Variants in MGA observed in about 807,000 individuals in gnomAD.
MGA encodes MAX dimerization protein MGA.
In MGA, 40 loss-of-function variants were observed where a neutral mutation model predicts 261.1. That is an observed-to-expected ratio of 0.15 (90% CI 0.12 to 0.20). The LOEUF (loss-of-function observed/expected upper bound fraction) is 0.20. Among genes scored for constraint, MGA ranks in the 10% least tolerant of loss-of-function variants. The pLI is 1.00. For missense variants in MGA, 3,397 were observed against 3,630.5 expected (o/e 0.94, Z 1.65); for synonymous variants, 1,302 against 1,290.6 (o/e 1.01, Z -0.19).
chr15:41,666,967 A>G (rs1250429475), intron 1 of MGA, among the ~76,000 whole-genome samples: 1 of 152,190 alleles, frequency 6.6e-6, no homozygotes, highest in South Asian at 2.1e-4. Flanking sequence ...TGATATTTTC[A>G]AGTTGCCCTC....
At chr15:41,693,764 A>G (rs1350937163) in intron 2 of MGA, among the ~76,000 whole-genome samples, 1 of 152,190 alleles carries the variant, frequency 6.6e-6, no homozygotes, top group Admixed American at 6.5e-5. Flanking sequence ...AAAGCATCCC[A>G]GATATTTATA....
At chr15:41,722,066 G>T (rs892226675) in intron 9 of MGA, among the ~76,000 whole-genome samples, 5 of 150,926 alleles carry the variant, frequency 3.3e-5, no homozygotes, top group Admixed American at 6.6e-5. Context: ...GGGGAAAAAC[G>T]CCAGGTAAAA....
intron 7 of MGA, among the ~76,000 whole-genome samples, chr15:41,708,521 G>T (rs1035232729): frequency 6.6e-6 from 1 of 152,334 alleles, no homozygotes; most frequent in South Asian, 2.1e-4. Flanking sequence ...GCTTCACCAT[G>T]TTGGCCAGGC....
rs372066595 is a variant in MGA at position 41,750,201 on chromosome 15, C to T, written c.6594C>T (p.Asp2198=). 46 of 1,613,738 alleles carry T rather than the reference C, an allele frequency of 2.9e-5. No homozygotes were observed. In the African/African-American group the frequency reaches 2.9e-4, roughly 10 times the overall value. ...CACAGGAATGTAAGAAAGAGGCAGA[C>T]GAGCAGTTAATTAAAGAAACAAAGA... Residue 2198 remains aspartate (D), a synonymous_variant, in exon 17 of 24, where the codon GAC becomes GAT. Coordinates refer to ENST00000219905, the MANE Select transcript of MGA (RefSeq NM_001164273.2).
In MGA at chr15:41,739,706, A is replaced by G. The variant is rs150470494; in HGVS notation, c.4435-347A>G. Reference sequence around the variant, plus strand: ...ACTACAATATGAAGGAGATGAGATTAGTTCAGAATATCAGTTGACAGCATT... The same window carrying G: ...ACTACAATATGAAGGAGATGAGATTGGTTCAGAATATCAGTTGACAGCATT... On this transcript the variant is annotated intron_variant, in intron 13 of 23. Coordinates refer to ENST00000219905, the MANE Select transcript of MGA (RefSeq NM_001164273.2). Among the ~76,000 whole-genome samples the G allele has an allele frequency of 4.3e-3, 657 of 152,382 alleles. 7 individuals are homozygous for G. The highest frequency in any genetic ancestry group is 0.015 in the African/African-American group (620 of 41,598).
rs1332621304 is a variant in MGA, at chr15:41,766,809, T to C, written c.8727T>C (p.Phe2909=). 6.2e-7 allele frequency: 1 copy of C among 1,614,026 alleles called. No homozygotes were observed. The highest frequency in any genetic ancestry group is 8.5e-7 in the Non-Finnish European group (1 of 1,179,892). ...TCTTGCACTTGGAAGACGATGACTT[T>C]TCTGAGAATGAAAAACAACTTGCAG... Residue 2909 remains phenylalanine (F), a synonymous_variant, in exon 24 of 24, where the codon TTT becomes TTC. Transcript: ENST00000219905.
intron 1 of MGA, among the ~76,000 whole-genome samples, chr15:41,654,266 T>C (rs1169233742): frequency 2.0e-5 from 3 of 152,210 alleles, no homozygotes; most frequent in Non-Finnish European, 4.4e-5. Flanking sequence ...TTCAGTGGTA[T>C]ATCACAGAAT....
At chr15:41,697,144 G>A (rs2059584988) in intron 3 of MGA, 121 bp downstream of exon 3, 3 of 846,938 alleles carry the variant, frequency 3.5e-6, no homozygotes, top group Non-Finnish European at 5.2e-6. Context: ...GGGTGTATGG[G>A]GGGTGGAGTT....
chr15:41,656,483 A>G (rs922197165), upstream of MGA, among the ~76,000 whole-genome samples: 2 of 151,638 alleles, frequency 1.3e-5, no homozygotes, highest in Admixed American at 6.6e-5. Flanking sequence ...CTGGGACCGC[A>G]GATGCACACC....
chr15:41,679,401 G>C (rs1015018252), intron 2 of MGA, among the ~76,000 whole-genome samples: 1 of 152,074 alleles, frequency 6.6e-6, no homozygotes, highest in African/African-American at 2.4e-5. Flanking sequence ...GGATTTTGTT[G>C]AATTCGTTCA....
intron 2 of MGA, among the ~76,000 whole-genome samples, chr15:41,670,641 G>A (rs948265801): frequency 1.3e-5 from 2 of 152,112 alleles, no homozygotes; most frequent in African/African-American, 2.4e-5. Context: ...AAGTAGCTGG[G>A]ACTACAGGCG....
Position 41,701,056 on chromosome 15 carries a change from G to A in MGA, c.2188+1897G>A, listed in dbSNP as rs937326143. On this transcript the variant is annotated intron_variant, in intron 5 of 23. Coordinates refer to ENST00000219905, the MANE Select transcript of MGA (RefSeq NM_001164273.2). ...AGTCAATCAATGTGGGCTGATTGCT[G>A]TGGATTGTAATAGACAGTCACATCA... 2.6e-5 allele frequency among the ~76,000 whole-genome samples: 4 copies of A among 152,348 alleles called. No individual in the cohort carries two copies. In the East Asian group the frequency reaches 7.7e-4, roughly 29 times the overall value.
Position 41,762,255 on chromosome 15 carries a change from A to G in MGA, c.7637A>G (p.Lys2546Arg). ...TTTGACATATCTCCCAGAATTAGCA[A>G]ACAGCAGGAAGGATCTTCTGCATCA... The change falls in exon 22 of 24, where the codon AAA becomes AGA. Residue 2546 changes from lysine (K) to arginine (R), a missense_variant. Physicochemically the swap from Lys to Arg is conservative, Grantham distance 26. Around this residue, in one of 9 missense-constraint regions of MGA, gnomAD observed 647 missense variants for 642.4 expected, o/e 1.01. Coordinates refer to ENST00000219905, the MANE Select transcript of MGA (RefSeq NM_001164273.2). The G allele has an allele frequency of 6.2e-7, 1 of 1,613,948 alleles. No homozygotes were observed. The highest frequency in any genetic ancestry group is 8.5e-7 in the Non-Finnish European group (1 of 1,179,866).
At chr15:41,675,487 T>C (rs574676967) in intron 2 of MGA, among the ~76,000 whole-genome samples, 29 of 152,100 alleles carry the variant, frequency 1.9e-4, no homozygotes, top group African/African-American at 7.0e-4. Flanking sequence ...GATCCTGCTG[T>C]CTCAGCCTCC....
chr15:41,689,773 C>T (rs990941951), intron 2 of MGA, among the ~76,000 whole-genome samples: 2 of 151,960 alleles, frequency 1.3e-5, no homozygotes, highest in South Asian at 4.2e-4. Flanking sequence ...GCCATGTAGG[C>T]CAGGCTGGTC....
intron 15 of MGA, 122 bp downstream of exon 15, chr15:41,743,294 T>A (rs1256145231): frequency 2.4e-6 from 3 of 1,226,952 alleles, no homozygotes; most frequent in Non-Finnish European, 3.3e-6. Context: ...TGTAACATGA[T>A]ACATGTATTC....
chr15:41,635,721 A>G (rs1322858925), intron 1 of MGA, among the ~76,000 whole-genome samples: 2 of 152,140 alleles, frequency 1.3e-5, no homozygotes, highest in Non-Finnish European at 2.9e-5. Flanking sequence ...TTAAGACTAA[A>G]TCCCAGCTAC....
chr15:41,740,301 C>T, intron 14 of MGA, 98 bp downstream of exon 14: 1 of 1,278,232 alleles, frequency 7.8e-7, no homozygotes. Context: ...GAAATATGTA[C>T]TTTGGCATTA....
upstream of MGA, among the ~76,000 whole-genome samples, chr15:41,657,339 C>CTTTT (rs373920516): frequency 2.8e-5 from 3 of 106,922 alleles, no homozygotes; most frequent in African/African-American, 1.3e-4. Context: ...AGTGAAGGCC[C>CTTTT]TTTTTTTTTT....
Sources: allele counts gnomAD v4.1 joint callset (sites outside exome capture counted in the v4.1 genomes callset), GRCh38; gene constraint gnomAD v4.1.1; regional missense constraint gnomAD v4.1.1; transcripts MANE v1.5; gene names NCBI Gene and HGNC (gene_info 2026-07-23, HGNC 2026-07-21).